Variants in ALDH1A2 observed in about 807,000 individuals in gnomAD.
The protein encoded by ALDH1A2 is aldehyde dehydrogenase 1 family member A2, also known as retinal dehydrogenase 2.
ALDH1A2 carries 27 observed loss-of-function variants against 60.3 expected under a neutral mutation model. The ratio of observed to expected loss-of-function variants is 0.45; its 90% confidence interval spans 0.33 to 0.62. The LOEUF is 0.62. ALDH1A2 is among the 20% of genes least tolerant of loss of function. The pLI is 0.02. For synonymous variants in ALDH1A2, 289 were observed against 232.4 expected (o/e 1.24, Z -2.21); for missense variants, 581 against 643.8 (o/e 0.90, Z 1.06).
intron 1 of ALDH1A2, among the ~76,000 whole-genome samples, chr15:58,022,541 C>G (rs1595672813): frequency 6.6e-6 from 1 of 152,122 alleles, no homozygotes; most frequent in Admixed American, 6.5e-5. Flanking sequence ...GGGGGAAAGC[C>G]ACCTCAAGGC....
At chr15:57,992,256 A>G (rs998265795) in intron 7 of ALDH1A2, among the ~76,000 whole-genome samples, 8 of 152,162 alleles carry the variant, frequency 5.3e-5, no homozygotes, top group African/African-American at 1.2e-4. Context: ...CCTATACAGA[A>G]AAAAAATGTG....
intron 7 of ALDH1A2, chr15:57,979,667 C>T (rs1340391698): frequency 4.8e-6 from 1 of 208,796 alleles, no homozygotes; most frequent in Non-Finnish European, 1.1e-5. Context: ...CAGAAAAACC[C>T]AAAAACCCAG....
intron 7 of ALDH1A2, among the ~76,000 whole-genome samples, chr15:57,979,450 G>T (rs888119099): frequency 7.2e-5 from 11 of 152,118 alleles, no homozygotes; most frequent in Non-Finnish European, 2.9e-5. Flanking sequence ...AGCTCTGCTG[G>T]CAGCCTGGAC....
intron 1 of ALDH1A2, among the ~76,000 whole-genome samples, chr15:58,035,593 C>A (rs1439852933): frequency 6.6e-6 from 1 of 151,484 alleles, no homozygotes; most frequent in Non-Finnish European, 1.5e-5. Flanking sequence ...TAGCAGCATC[C>A]CACAAATTTT....
At chr15:58,006,301 T>C (rs982468914) in intron 4 of ALDH1A2, among the ~76,000 whole-genome samples, 1 of 152,154 alleles carries the variant, frequency 6.6e-6, no homozygotes, top group Non-Finnish European at 1.5e-5. Context: ...TCACTTAGAA[T>C]AATGGCCTCC....
intron 4 of ALDH1A2, among the ~76,000 whole-genome samples, chr15:57,997,904 A>C (rs1206997977): frequency 1.3e-5 from 2 of 151,994 alleles, no homozygotes; most frequent in East Asian, 1.9e-4. Context: ...CAAATTAAAA[A>C]ATAAACGCTA....
At chr15:58,018,174 A>G (rs1483698217) in intron 1 of ALDH1A2, among the ~76,000 whole-genome samples, 3 of 152,198 alleles carry the variant, frequency 2.0e-5, no homozygotes, top group Admixed American at 1.3e-4. Flanking sequence ...GTAAATACTT[A>G]AAAATGGATA....
intron 7 of ALDH1A2, among the ~76,000 whole-genome samples, chr15:57,969,446 G>A (rs968576990): frequency 2.6e-5 from 4 of 152,196 alleles, no homozygotes; most frequent in Admixed American, 6.6e-5. Context: ...AAGAATGAAC[G>A]AATTACGCAT....
intron 1 of ALDH1A2, among the ~76,000 whole-genome samples, chr15:58,029,579 C>A (rs1263609085): frequency 3.5e-5 from 3 of 84,528 alleles, no homozygotes; most frequent in South Asian, 3.0e-4. Context: ...ACATAAAAAT[C>A]CCCTAAAAAA....
chr15:57,961,287 C>A lies in ALDH1A2; in HGVS notation c.1259G>T (p.Gly420Val). The A allele has an allele frequency of 6.2e-7, 1 of 1,613,824 alleles. No homozygotes were observed. Among genetic ancestry groups the A allele is most frequent in the Non-Finnish European group, 8.5e-7 (1 of 1,179,974 alleles). ...DMRIAKEEIF[G>V]PVQEILRFKT... is the part of the protein sequence containing the mutation. ...AAATCTCAAAATTTCCTGAACAGGGCCAAAGATCTGCAAAAAGATAATATG... is the reference window on the plus strand; with the variant it reads ...AAATCTCAAAATTTCCTGAACAGGGACAAAGATCTGCAAAAAGATAATATG... The change falls in exon 11 of 13, where the codon GGC (glycine) becomes GTC (valine). Residue 420 changes from glycine (G) to valine (V), a missense_variant. By Grantham distance (109) the Gly-to-Val change is moderately radical. Around this residue, in one of 2 missense-constraint regions of ALDH1A2, gnomAD observed 375 missense variants for 469.7 expected, o/e 0.80. Transcript: ENST00000249750.
intron 1 of ALDH1A2, among the ~76,000 whole-genome samples, chr15:58,040,795 T>G (rs1408822299): frequency 1.3e-5 from 2 of 151,920 alleles, no homozygotes; most frequent in Non-Finnish European, 2.9e-5. Flanking sequence ...AACATTTGCG[T>G]GCTTACTATT....
rs1894166383 is a variant in ALDH1A2, at chr15:57,974,293, C to G, written c.799-8466G>C. Among the ~76,000 whole-genome samples, 4 of 151,902 alleles carry G rather than the reference C, an allele frequency of 2.6e-5. No homozygotes were observed. The South Asian group carries it at 8.3e-4, about 32-fold the overall frequency. On this transcript the variant is annotated intron_variant, in intron 7 of 12. Transcript: ENST00000249750. ...CTAAAAATACAAAACATTAGCTGGG[C>G]AAGGTGGCGGGCGCCTGTAGTTCCA... is the stretch of plus-strand genomic sequence containing the variant.
At chr15:58,019,855 G>C (rs1339309247) in intron 1 of ALDH1A2, among the ~76,000 whole-genome samples, 1 of 152,120 alleles carries the variant, frequency 6.6e-6, no homozygotes, top group East Asian at 1.9e-4. Context: ...TGGGATACAT[G>C]TGCAGGACAT....
At chr15:58,005,819 G>A (rs1346141010) in intron 4 of ALDH1A2, among the ~76,000 whole-genome samples, 2 of 151,666 alleles carry the variant, frequency 1.3e-5, no homozygotes, top group Non-Finnish European at 2.9e-5. Flanking sequence ...ATCTAGGCAG[G>A]GAGATCCCCA....
Position 58,035,008 on chromosome 15 carries a change from G to C in ALDH1A2, c.118-20727C>G, listed in dbSNP as rs181903850. 3.1e-3 allele frequency among the ~76,000 whole-genome samples: 468 copies of C among 151,704 alleles called. 3 individuals carry two copies. The highest frequency in any genetic ancestry group is 0.011 in the African/African-American group (448 of 41,466). On this transcript the variant is annotated intron_variant, in intron 1 of 12. Transcript: ENST00000249750. ...CATAAAATGAGTTAGTGCTCCCTCT[G>C]CTTCAACTTTCTGGAAGAGACTGTA...
intron 4 of ALDH1A2, among the ~76,000 whole-genome samples, chr15:58,004,344 T>TC (rs1895374633): frequency 6.6e-6 from 1 of 151,916 alleles, no homozygotes; most frequent in Non-Finnish European, 1.5e-5. Flanking sequence ...TCAAATAGAT[T>TC]CAACGGGTTT....
chr15:57,959,401 T>A (rs1306031303), intron 12 of ALDH1A2, among the ~76,000 whole-genome samples: 1 of 152,180 alleles, frequency 6.6e-6, no homozygotes, highest in Non-Finnish European at 1.5e-5. Context: ...TACTAAGAAC[T>A]GAACAAATAT....
At chr15:57,971,574 C>G (rs547778402) in intron 7 of ALDH1A2, among the ~76,000 whole-genome samples, 1 of 151,858 alleles carries the variant, frequency 6.6e-6, no homozygotes, top group South Asian at 2.1e-4. Context: ...AGGCACTTGC[C>G]ATCATGCCTG....
rs776445440 is a variant in ALDH1A2 at position 57,965,700 on chromosome 15, T to G, written c.901+25A>C. On this transcript the variant is annotated intron_variant, in intron 8 of 12. Coordinates refer to ENST00000249750, the MANE Select transcript of ALDH1A2 (RefSeq NM_003888.4). The stretch of plus-strand genomic sequence containing the variant: ...GCACCAAAGGGTGTGTGGTGGTTCA[T>G]GTATGGGACCTGTAGTTGACTTACA... 2.6e-6 allele frequency: 4 copies of G among 1,531,132 alleles called. No individual in the cohort carries two copies. In the African/African-American group the frequency reaches 5.4e-5, roughly 21 times the overall value. 94.8% of individuals were successfully genotyped at this position (1,531,132 alleles called of 1,614,324 possible). A position where few individuals can be genotyped will look rare whatever the true frequency, so the allele number is the denominator to read the frequency against.
Sources: gnomAD v4.1 joint callset for allele counts (sites outside exome capture counted in the v4.1 genomes callset) on GRCh38, gnomAD v4.1.1 for gene constraint, gnomAD v4.1.1 regional missense constraint, MANE v1.5 for transcripts, NCBI Gene and HGNC (gene_info 2026-07-23, HGNC 2026-07-21) for gene names.